Variants in DDR2 observed in about 807,000 individuals in gnomAD.
DDR2 encodes the protein discoidin domain-containing receptor 2.
A neutral mutation model predicts 94.9 loss-of-function variants in DDR2; 27 were observed. The ratio of observed to expected loss-of-function variants is 0.28; its 90% confidence interval spans 0.21 to 0.39. DDR2 has a LOEUF of 0.39. DDR2 is among the 10% of genes least tolerant of loss of function. DDR2 has a pLI of 1.00. For missense variants in DDR2, 783 were observed against 1,076.0 expected (o/e 0.73, Z 3.81); for synonymous variants, 382 against 377.2 (o/e 1.01, Z -0.15).
intron 3 of DDR2, 115 bp from the exon 4 acceptor site, chr1:162,752,980 G>T: frequency 1.1e-6 from 1 of 894,824 alleles, no homozygotes; most frequent in African/African-American, 1.7e-5. Context: ...AGGAATTTAG[G>T]AAGATGTAAA....
intron 9 of DDR2, among the ~76,000 whole-genome samples, chr1:162,765,769 T>C (rs1372446419): frequency 6.7e-6 from 1 of 149,458 alleles, no homozygotes; most frequent in African/African-American, 2.5e-5. Flanking sequence ...TTTTGTACCA[T>C]AGCATCTAGT....
intron 14 of DDR2, 79 bp downstream of exon 14, chr1:162,773,675 AT>A (rs1647358344): frequency 6.3e-7 from 1 of 1,594,820 alleles, no homozygotes; most frequent in African/African-American, 1.3e-5. Context: ...CTTCTGAGCA[AT>A]TTTTTCTTTT....
intron 2 of DDR2, among the ~76,000 whole-genome samples, chr1:162,656,836 T>G (rs113336466): frequency 3.7e-5 from 4 of 108,880 alleles, no homozygotes; most frequent in African/African-American, 1.0e-4. Flanking sequence ...CACTGGAGTT[T>G]TTTTTTTTTT....
In DDR2 at chr1:162,747,491, G is replaced by A. The variant is rs1368018528; in HGVS notation, c.83-5604G>A. Among the ~76,000 whole-genome samples, 5 of 152,040 alleles carry A rather than the reference G, an allele frequency of 3.3e-5. No homozygotes were observed. The East Asian group carries it at 9.6e-4, about 29-fold the overall frequency. ...AATGAACAAAGCCTCCAAGAAATATGAGACTGTGTGAAAAGATCAAATCTA... is the reference window on the plus strand; with the variant it reads ...AATGAACAAAGCCTCCAAGAAATATAAGACTGTGTGAAAAGATCAAATCTA... On this transcript the variant is annotated intron_variant, in intron 3 of 17. Transcript: ENST00000367921.
intron 2 of DDR2, among the ~76,000 whole-genome samples, chr1:162,666,993 G>GAT (rs894211969): frequency 3.3e-5 from 5 of 150,806 alleles, no homozygotes; most frequent in African/African-American, 1.2e-4. Context: ...TTTGGATGGA[G>GAT]ATATATATAC....
At position 162,650,394 on chromosome 1, in the gene DDR2, G is replaced by A. The variant is rs534713564; in HGVS notation, c.-191-4817G>A. ...GCAGATCACTTGAGGTCAGGAGTTC[G>A]AGAACAGCCTGGCCAACATGGTGAA... On this transcript the variant is annotated intron_variant, in intron 1 of 17. Coordinates refer to ENST00000367921, the MANE Select transcript of DDR2 (RefSeq NM_006182.4). 8.5e-5 allele frequency among the ~76,000 whole-genome samples: 13 copies of A among 152,188 alleles called. No homozygotes were observed. In the East Asian group the frequency reaches 1.6e-3, roughly 18 times the overall value.
intron 5 of DDR2, 112 bp from the exon 6 acceptor site, chr1:162,755,035 AGAGTAGATG>A: frequency 2.0e-6 from 3 of 1,491,670 alleles, no homozygotes; most frequent in Non-Finnish European, 2.8e-6. Flanking sequence ...TGGGGAAAGC[AGAGTAGATG>A]CATTCTGCTC....
chr1:162,761,339 C>T lies in DDR2; in HGVS notation c.984C>T (p.Asn328=), dbSNP rs373788246. ...TCCCCCTTGTCCTGGATGACGTCAA[C>T]CCCAGTGCTCGGTTTGTCACGGTGC... The part of the protein sequence containing the change: ...ISFPLVLDDV[N]PSARFVTVPL... Residue 328 remains asparagine, a synonymous_variant, in exon 9 of 18, where the codon AAC becomes AAT. Coordinates refer to ENST00000367921, the MANE Select transcript of DDR2 (RefSeq NM_006182.4). 8.7e-6 allele frequency: 14 copies of T among 1,614,096 alleles called. No individual in the cohort carries two copies. The highest frequency in any genetic ancestry group is 1.2e-5 in the Non-Finnish European group (14 of 1,180,044).
At chr1:162,691,303 C>T (rs756346476) in intron 2 of DDR2, among the ~76,000 whole-genome samples, 2 of 152,178 alleles carry the variant, frequency 1.3e-5, no homozygotes. Context: ...ACTCCAACAC[C>T]CTGCCTTGCC....
At chr1:162,718,262 C>T (rs1661258208) in intron 2 of DDR2, among the ~76,000 whole-genome samples, 1 of 152,090 alleles carries the variant, frequency 6.6e-6, no homozygotes, top group African/African-American at 2.4e-5. Context: ...TAGTCTGCTC[C>T]ATTCCCAGAA....
In DDR2 at chr1:162,754,667, C is replaced by T. The variant is rs772670482; in HGVS notation, c.229C>T (p.Pro77Ser). 2.8e-5 allele frequency: 46 copies of T among 1,614,144 alleles called. No homozygotes were observed. The highest frequency in any genetic ancestry group is 3.9e-5 in the Non-Finnish European group (46 of 1,180,012). Residue 77 changes from proline (P) to serine (S), a missense_variant, in exon 5 of 18, where the codon CCA becomes TCA. Physicochemically the swap from Pro to Ser is moderately conservative, Grantham distance 74. Transcript: ENST00000367921. The part of the protein sequence containing the change: ...EGDGAWCPEI[P>S]VEPDDLKEFL... ...GGATGGAGCCTGGTGCCCTGAGATT[C>T]CAGTGGAACCTGATGACCTGAAGGA...
rs2102195953 is a variant in DDR2, at chr1:162,775,745, C to T, written c.1950C>T (p.Leu650=). Reference sequence around the variant, plus strand: ...CTGTGTGTATCACTGATGACCCTCTCTGTATGATCACTGAATACATGGAGA... The same window carrying T: ...CTGTGTGTATCACTGATGACCCTCTTTGTATGATCACTGAATACATGGAGA... ...LLAVCITDDP[L]CMITEYMENG... The change falls in exon 15 of 18, where the codon CTC becomes CTT. Residue 650 remains leucine (L), a synonymous_variant. Coordinates refer to ENST00000367921, the MANE Select transcript of DDR2 (RefSeq NM_006182.4). 1.2e-6 allele frequency: 2 copies of T among 1,614,158 alleles called. No homozygotes were observed. Among genetic ancestry groups the T allele is most frequent in the Non-Finnish European group, 1.7e-6 (2 of 1,180,022 alleles).
At chr1:162,706,807 G>A (rs1465246676) in intron 2 of DDR2, among the ~76,000 whole-genome samples, 1 of 152,160 alleles carries the variant, frequency 6.6e-6, no homozygotes, top group Middle Eastern at 3.2e-3. Context: ...GTGTTTAATC[G>A]CCTGGAACAA....
At chr1:162,773,401 G>A in intron 13 of DDR2, 68 bp from the exon 14 acceptor site, 4 of 1,603,286 alleles carry the variant, frequency 2.5e-6, no homozygotes, top group Non-Finnish European at 3.4e-6. Flanking sequence ...TCCAGGAAAT[G>A]CCCAGCAAGA....
chr1:162,639,905 CAG>C (rs1256138860), intron 1 of DDR2, among the ~76,000 whole-genome samples: 4 of 152,192 alleles, frequency 2.6e-5, no homozygotes, highest in Middle Eastern at 6.8e-3. Flanking sequence ...AAATTGAACA[CAG>C]AGGATTTTTA....
intron 2 of DDR2, among the ~76,000 whole-genome samples, chr1:162,704,165 C>T (rs1660551631): frequency 2.6e-5 from 4 of 152,184 alleles, no homozygotes; most frequent in Admixed American, 2.6e-4. Flanking sequence ...TATCGATTTT[C>T]TATTCTGGCA....
chr1:162,729,300 A>T (rs199847578), intron 3 of DDR2, among the ~76,000 whole-genome samples: 8,468 of 93,848 alleles, frequency 0.09, 980 homozygotes, highest in African/African-American at 0.24. Flanking sequence ...ATATATATAT[A>T]TTTTTTTTTT....
chr1:162,755,091 T>G, intron 5 of DDR2, 65 bp from the exon 6 acceptor site: 1 of 1,606,902 alleles, frequency 6.2e-7, no homozygotes. Flanking sequence ...AAAAACGTGG[T>G]GGGGTGAAGA....
intron 3 of DDR2, among the ~76,000 whole-genome samples, chr1:162,746,169 G>A (rs996859528): frequency 6.6e-5 from 10 of 152,320 alleles, no homozygotes; most frequent in African/African-American, 1.9e-4. Context: ...GCAGGGTGGG[G>A]CATCGCCTCA....
Sources: gnomAD v4.1 joint callset for allele counts (sites outside exome capture counted in the v4.1 genomes callset) on GRCh38, gnomAD v4.1.1 for gene constraint, MANE v1.5 for transcripts, NCBI Gene and HGNC (gene_info 2026-07-23, HGNC 2026-07-21) for gene names.